The following DDHD2 variants were observed in gnomAD, a reference collection of about 807,000 sequenced individuals.
DDHD2 encodes triacylglycerol hydrolase DDHD2.
Under a neutral mutation model 91.2 loss-of-function variants are expected in DDHD2, and 62 were observed. That is an observed-to-expected ratio of 0.68 (90% confidence interval 0.55 to 0.84). DDHD2 has a LOEUF of 0.84. DDHD2 is among the 40% of genes least tolerant of loss of function. The pLI is 0.00. For missense variants in DDHD2, 740 were observed against 846.9 expected (o/e 0.87, Z 1.57); for synonymous variants, 271 against 293.9 (o/e 0.92, Z 0.80).
intron 11 of DDHD2, 177 bp from the exon 12 acceptor site, chr8:38,251,735 A>C: frequency 1.8e-6 from 1 of 560,172 alleles, no homozygotes; most frequent in Non-Finnish European, 3.2e-6. Context: ...TACTTTTACT[A>C]TATAGTAGCT....
downstream of DDHD2, chr8:38,263,604 G>A: frequency 1.0e-6 from 1 of 985,386 alleles, no homozygotes; most frequent in Non-Finnish European, 1.2e-6. Flanking sequence ...GCTGGACTCA[G>A]ATAAGATGCA....
rs771195297 is a variant in DDHD2 at position 38,251,929 on chromosome 8, C to G, written c.1362C>G (p.Ala454=). 3.7e-6 allele frequency: 6 copies of G among 1,613,876 alleles called. No homozygotes were observed. The highest frequency in any genetic ancestry group is 5.1e-6 in the Non-Finnish European group (6 of 1,179,790). The change falls in exon 12 of 18, where the codon GCC becomes GCG. Residue 454 remains alanine (A), a synonymous_variant. Coordinates refer to ENST00000397166, the MANE Select transcript of DDHD2 (RefSeq NM_015214.3). ...TTCTTTAGGGTATTAAGAGACCAGC[C>G]CCGCAGCCTGCTTCAGGGGCAAACA... The part of the protein sequence containing the change: ...RKNSMGIKRP[A]PQPASGANIP...
chr8:38,260,136 T>C lies in DDHD2; in HGVS notation c.*15T>C. The C allele has an allele frequency of 5.8e-6, 9 of 1,561,030 alleles. No homozygotes were observed. The highest frequency in any genetic ancestry group is 7.1e-6 in the Non-Finnish European group (8 of 1,132,450). ...CTTTACAGTAAAAATGACCCATCTATGGCTGCTTAATGTAAGTTTTAAAAT... is the reference window on the plus strand; with the variant it reads ...CTTTACAGTAAAAATGACCCATCTACGGCTGCTTAATGTAAGTTTTAAAAT... On this transcript the variant is annotated 3_prime_UTR_variant, in exon 17 of 18. Coordinates refer to ENST00000397166, the MANE Select transcript of DDHD2 (RefSeq NM_015214.3).
chr8:38,241,917 G>A (rs1308859142), intron 6 of DDHD2: 3 of 201,626 alleles, frequency 1.5e-5, no homozygotes, highest in South Asian at 1.9e-4. Context: ...AGCTGGGCAT[G>A]GTGGTATGTG....
At chr8:38,258,415 G>A (rs1008521204) in intron 16 of DDHD2, among the ~76,000 whole-genome samples, 12 of 152,044 alleles carry the variant, frequency 7.9e-5, no homozygotes, top group African/African-American at 2.9e-4. Flanking sequence ...ACCATGCCCA[G>A]CTAATTTTTG....
chr8:38,264,893 A>AATTTTT, downstream of DDHD2: 2 of 1,612,888 alleles, frequency 1.2e-6, no homozygotes, highest in Non-Finnish European at 1.7e-6. Flanking sequence ...AACTCAGAAG[A>AATTTTT]GTAACAAAGG....
In DDHD2 at chr8:38,253,723, ATGT is replaced by A. The variant is rs765220738; in HGVS notation, c.2054+10_2054+12del. 35 of 1,611,078 alleles carry A rather than the reference ATGT, an allele frequency of 2.2e-5. No homozygotes were observed. Among genetic ancestry groups the A allele is most frequent in the Non-Finnish European group, 2.5e-5 (30 of 1,178,954 alleles). On this transcript the variant is annotated splice_donor_region_variant and intron_variant, in intron 16 of 17. Transcript: ENST00000397166. ...ACAAAGCCATCTATGCTACTGGTAA[ATGT>A]TGTTTATTTTTGTCTGTTTTGTTTG...
At position 38,261,544 on chromosome 8, in the gene DDHD2, A is replaced by G. The variant is rs1248429234; in HGVS notation, c.*971A>G. 6.6e-6 allele frequency: 1 copy of G among 152,168 alleles called. No individual in the cohort carries two copies. The highest frequency in any genetic ancestry group is 1.5e-5 in the Non-Finnish European group (1 of 68,048). The allele number at this position is 152,168 out of a possible 1,614,324, so 9.4% of individuals were successfully genotyped here. On this transcript the variant is annotated 3_prime_UTR_variant, in exon 18 of 18. Transcript: ENST00000397166. ...TATCCTCTTTCCTTCTTAGGTATCC[A>G]TAATCCACAAAGCATATTTAAAAGG...
rs759738617 is a variant in DDHD2 at position 38,252,944 on chromosome 8, TTA to T, written c.1721-9_1721-8del. The T allele has an allele frequency of 6.2e-7, 1 of 1,613,410 alleles. No homozygotes were observed. Among genetic ancestry groups the T allele is most frequent in the East Asian group, 2.2e-5 (1 of 44,886 alleles). On this transcript the variant is annotated splice_polypyrimidine_tract_variant and intron_variant, in intron 14 of 17. Transcript: ENST00000397166. ...TTGTAAATCATTTAATGTTCTTTAT[TTA>T]TATGTTTCAGAACTGAGAGAGGGCT...
chr8:38,268,692 A>G, intron 1 of DDHD2: 1 of 1,432,962 alleles, frequency 7.0e-7, no homozygotes, highest in Non-Finnish European at 9.1e-7. Flanking sequence ...GTCTCAGCCC[A>G]AAGAGGCTCG....
chr8:38,242,221 T>C lies in DDHD2; in HGVS notation c.713-29T>C, dbSNP rs372998479. 3 of 1,552,172 alleles carry C rather than the reference T, an allele frequency of 1.9e-6. No homozygotes were observed. The African/African-American group carries it at 4.2e-5, about 22-fold the overall frequency. On this transcript the variant is annotated intron_variant, in intron 6 of 17. Coordinates refer to ENST00000397166, the MANE Select transcript of DDHD2 (RefSeq NM_015214.3). ...ATTCTACAGATTTGTTACTTCATTG[T>C]TGATGCATAAGTTAATTTTCTTTTC...
downstream of DDHD2, chr8:38,264,719 C>T (rs1209362507): frequency 5.6e-6 from 8 of 1,437,038 alleles, no homozygotes; most frequent in Non-Finnish European, 7.4e-6. Context: ...GCTAAAATAA[C>T]CTCAATTCCA....
At chr8:38,258,234 CTAAAT>C (rs1806688519) in intron 16 of DDHD2, among the ~76,000 whole-genome samples, 1 of 151,486 alleles carries the variant, frequency 6.6e-6, no homozygotes, top group Non-Finnish European at 1.5e-5. Context: ...ATTTGAGATT[CTAAAT>C]TAAATTAATT....
chr8:38,238,068 C>G, intron 4 of DDHD2, 21 bp from the exon 5 acceptor site: 1 of 1,582,416 alleles, frequency 6.3e-7, no homozygotes, highest in Non-Finnish European at 8.6e-7. Flanking sequence ...ATTTTTATTG[C>G]TCTGATCTGT....
chr8:38,252,659 A>AT, intron 13 of DDHD2, 63 bp from the exon 14 acceptor site: 44 of 1,133,332 alleles, frequency 3.9e-5, no homozygotes, highest in Non-Finnish European at 5.2e-5. Context: ...AAAAAAAAAA[A>AT]GTTATATAGT....
chr8:38,242,717 A>G (rs1007018480), intron 7 of DDHD2, among the ~76,000 whole-genome samples: 3 of 152,180 alleles, frequency 2.0e-5, no homozygotes, highest in African/African-American at 4.8e-5. Context: ...AAGATGTACA[A>G]AGTATTTTGT....
chr8:38,246,960 G>A (rs531043970), intron 9 of DDHD2: 1 of 152,234 alleles, frequency 6.6e-6, no homozygotes, highest in African/African-American at 2.4e-5. Flanking sequence ...AACTCTGTTC[G>A]AAAGTATTGG....
At chr8:38,272,471 C>T (rs752907493), downstream of DDHD2, 2 of 152,336 alleles carry the variant, frequency 1.3e-5, no homozygotes, top group Non-Finnish European at 2.9e-5. Context: ...TTGCCCTTCT[C>T]AGCCAGCCAC....
chr8:38,267,646 G>A, downstream of DDHD2: 1 of 617,208 alleles, frequency 1.6e-6, no homozygotes, highest in Non-Finnish European at 2.8e-6. Flanking sequence ...GCTTCAGGAG[G>A]TGCTCAAGAG....
Sources: allele counts gnomAD v4.1 joint callset (sites outside exome capture counted in the v4.1 genomes callset), GRCh38; gene constraint gnomAD v4.1.1; transcripts MANE v1.5; gene names NCBI Gene and HGNC (gene_info 2026-07-23, HGNC 2026-07-21).